CTDSPL2: variants seen among roughly 807,000 people sequenced by gnomAD.
The protein encoded by CTDSPL2 is CTD small phosphatase-like protein 2.
A neutral mutation model predicts 60.0 loss-of-function variants in CTDSPL2; 5 were observed. The ratio of observed to expected loss-of-function variants is 0.08; its 90% CI spans 0.04 to 0.18. CTDSPL2 has a LOEUF of 0.18. Ranked by LOEUF, CTDSPL2 falls within the 10% of genes least tolerant of loss-of-function variation. The pLI is 1.00. For missense variants in CTDSPL2, 370 were observed against 548.8 expected (o/e 0.67, Z 3.26); for synonymous variants, 186 against 189.3 (o/e 0.98, Z 0.14).
At chr15:44,516,060 GA>G (rs1273794066) in intron 10 of CTDSPL2, among the ~76,000 whole-genome samples, 3 of 145,588 alleles carry the variant, frequency 2.1e-5, no homozygotes, top group African/African-American at 7.7e-5. Context: ...TCTGCCTTCT[GA>G]GTTTAAAAGA....
At chr15:44,496,595 G>A in intron 6 of CTDSPL2, 137 bp downstream of exon 6, 1 of 660,682 alleles carries the variant, frequency 1.5e-6, no homozygotes, top group Non-Finnish European at 2.6e-6. Context: ...ATGGGGCTGG[G>A]TGCAGTGGCT....
At chr15:44,459,861 T>G (rs1875663856) in intron 2 of CTDSPL2, among the ~76,000 whole-genome samples, 1 of 152,150 alleles carries the variant, frequency 6.6e-6, no homozygotes, top group Admixed American at 6.6e-5. Context: ...GTTCTAACAT[T>G]TGTATGATGA....
intron 1 of CTDSPL2, among the ~76,000 whole-genome samples, chr15:44,454,921 G>A (rs921512020): frequency 3.3e-5 from 5 of 152,114 alleles, no homozygotes; most frequent in Non-Finnish European, 5.9e-5. Flanking sequence ...CTCTTTTTTG[G>A]TTCCATATGA....
In CTDSPL2 at chr15:44,525,281, A is replaced by G. The variant is rs1334805406; in HGVS notation, c.*1107A>G. 7.5e-6 allele frequency: 3 copies of G among 397,380 alleles called. No homozygotes were observed. Among genetic ancestry groups the G allele is most frequent in the Admixed American group, 4.4e-5 (1 of 22,698 alleles). 24.6% of individuals were successfully genotyped at this position (397,380 alleles called of 1,614,324 possible). A position where few individuals can be genotyped will look rare whatever the true frequency, so the allele number is the denominator to read the frequency against. On this transcript the variant is annotated 3_prime_UTR_variant, in exon 13 of 13. Transcript: ENST00000260327. The stretch of plus-strand genomic sequence containing the variant: ...GTAGCTATGCATAATCCTGTGGCAC[A>G]GTACACTCCCAAGCCACCAATGCAG...
At chr15:44,453,407 T>G (rs1252566210) in intron 1 of CTDSPL2, among the ~76,000 whole-genome samples, 2 of 151,326 alleles carry the variant, frequency 1.3e-5, no homozygotes, top group African/African-American at 4.9e-5. Context: ...TCATGTGGAT[T>G]TTTTTTTTGT....
intron 1 of CTDSPL2, among the ~76,000 whole-genome samples, chr15:44,458,185 T>G (rs2080488280): frequency 2.0e-5 from 3 of 152,212 alleles, no homozygotes; most frequent in Admixed American, 2.0e-4. Flanking sequence ...TGATAAAACA[T>G]AACTAAGTGA....
At chr15:44,467,826 C>T (rs1010490426) in intron 2 of CTDSPL2, among the ~76,000 whole-genome samples, 3 of 152,154 alleles carry the variant, frequency 2.0e-5, no homozygotes, top group African/African-American at 7.2e-5. Flanking sequence ...CTACTCGCCT[C>T]GGCCTCCCGA....
intron 1 of CTDSPL2, chr15:44,448,285 G>A: frequency 3.6e-6 from 1 of 280,332 alleles, no homozygotes; most frequent in Non-Finnish European, 7.2e-6. Flanking sequence ...GATGCTAGAG[G>A]CCATTTGGTC....
At chr15:44,495,321 G>T (rs1477885629) in intron 5 of CTDSPL2, among the ~76,000 whole-genome samples, 6 of 151,948 alleles carry the variant, frequency 3.9e-5, no homozygotes, top group Admixed American at 3.9e-4. Context: ...GGTGGCTCAC[G>T]CCTGGAATTC....
intron 1 of CTDSPL2, among the ~76,000 whole-genome samples, chr15:44,430,720 A>G (rs1295866314): frequency 3.9e-5 from 6 of 152,136 alleles, no homozygotes; most frequent in Non-Finnish European, 8.8e-5. Flanking sequence ...GTGTGCTGAG[A>G]GTTTATTTGT....
At chr15:44,499,961 A>G in intron 8 of CTDSPL2, 148 bp downstream of exon 8, 1 of 547,624 alleles carries the variant, frequency 1.8e-6, no homozygotes, top group Admixed American at 3.3e-5. Context: ...TGATTTATTA[A>G]CAAAATTAGC....
intron 1 of CTDSPL2, chr15:44,448,765 C>A: frequency 2.8e-6 from 1 of 351,344 alleles, no homozygotes; most frequent in South Asian, 2.6e-5. Flanking sequence ...TAACCCTGTT[C>A]CAATACCACC....
intron 1 of CTDSPL2, among the ~76,000 whole-genome samples, chr15:44,434,623 G>A (rs1480778662): frequency 6.6e-6 from 1 of 152,142 alleles, no homozygotes; most frequent in African/African-American, 2.4e-5. Context: ...TGAACTCTTA[G>A]TCTCAAGTGA....
chr15:44,459,290 GC>G (rs1327239677), intron 2 of CTDSPL2, 90 bp downstream of exon 2: 2 of 838,352 alleles, frequency 2.4e-6, no homozygotes, highest in Non-Finnish European at 3.6e-6. Context: ...CACTTTGAGA[GC>G]CCCAGGCAGG....
intron 3 of CTDSPL2, 116 bp downstream of exon 3, chr15:44,484,478 T>A: frequency 1.0e-6 from 1 of 976,240 alleles, no homozygotes; most frequent in Non-Finnish European, 1.5e-6. Flanking sequence ...CTCATGCCTG[T>A]AATCCTCACA....
chr15:44,463,745 A>G (rs1378958921), intron 2 of CTDSPL2, among the ~76,000 whole-genome samples: 1 of 152,164 alleles, frequency 6.6e-6, no homozygotes, highest in Non-Finnish European at 1.5e-5. Context: ...TCTTAATCAC[A>G]TATTCTAAAA....
intron 1 of CTDSPL2, among the ~76,000 whole-genome samples, chr15:44,455,143 C>G (rs2140680190): frequency 6.6e-6 from 1 of 152,216 alleles, no homozygotes; most frequent in Non-Finnish European, 1.5e-5. Context: ...CCTTCACATC[C>G]CTTGTAAGTT....
intron 12 of CTDSPL2, among the ~76,000 whole-genome samples, chr15:44,521,937 C>CAAAAAAAAA (rs904398715): frequency 8.2e-5 from 5 of 60,778 alleles, no homozygotes; most frequent in Admixed American, 3.0e-4. Flanking sequence ...GACTCCGTCT[C>CAAAAAAAAA]AAAAAAAAAA....
intron 1 of CTDSPL2, among the ~76,000 whole-genome samples, chr15:44,430,294 G>A (rs547423919): frequency 5.8e-4 from 89 of 152,150 alleles, no homozygotes; most frequent in African/African-American, 2.0e-3. Context: ...TTAGAGATGG[G>A]GGTCTCTCTT....
Sources: gnomAD v4.1 joint callset for allele counts (sites outside exome capture counted in the v4.1 genomes callset) on GRCh38, gnomAD v4.1.1 for gene constraint, MANE v1.5 for transcripts, NCBI Gene and HGNC (gene_info 2026-07-23, HGNC 2026-07-21) for gene names.